The following NSA2 variants were observed in gnomAD, a reference collection of about 807,000 sequenced individuals.
The protein encoded by NSA2 is NSA2 ribosome biogenesis factor, also known as ribosome biogenesis protein NSA2 homolog.
In NSA2, 18 loss-of-function variants were observed where a neutral mutation model predicts 34.8. That is an observed-to-expected ratio of 0.52 (90% CI 0.36 to 0.77). The LOEUF is 0.77. Among genes scored for constraint, NSA2 ranks in the 30% least tolerant of loss-of-function variants. The probability of loss-of-function intolerance (pLI) is 0.00; values close to 1 mark genes in which losing one functional copy is unlikely to be tolerated. For synonymous variants in NSA2, 79 were observed against 100.2 expected (o/e 0.79, Z 1.26); for missense variants, 188 against 314.7 (o/e 0.60, Z 3.05).
In NSA2 at chr5:74,777,572, CATT is replaced by C. The variant is rs1290773387; in HGVS notation, c.*902_*904del. The C allele has an allele frequency of 2.0e-5, 3 of 150,176 alleles. No homozygotes were observed. Among genetic ancestry groups the C allele is most frequent in the African/African-American group, 7.5e-5 (3 of 40,180 alleles). The allele number at this position is 150,176 out of a possible 1,614,324, so 9.3% of individuals were successfully genotyped here. On this transcript the variant is annotated 3_prime_UTR_variant, in exon 6 of 6. Coordinates refer to ENST00000610426, the MANE Select transcript of NSA2 (RefSeq NM_014886.6). ...ATATTACATTAATCTATAATCACCA[CATT>C]GTTTTAAATTGTTTATTTTTTTTTT...
At chr5:74,776,522 A>AAG (rs397784041) in intron 5 of NSA2, 82 bp from the exon 6 acceptor site, 2 of 776,452 alleles carry the variant, frequency 2.6e-6, no homozygotes, top group Non-Finnish European at 4.5e-6. Context: ...AAGAAAAAAA[A>AAG]GGCAAAAGTT....
At position 74,778,542 on chromosome 5, in the gene NSA2, TATA is replaced by T. The variant is rs1433198853; in HGVS notation, c.*1872_*1874del. 8.5e-5 allele frequency: 13 copies of T among 152,146 alleles called. No homozygotes were observed. The East Asian group carries it at 2.3e-3, about 27-fold the overall frequency. 9.4% of individuals were successfully genotyped at this position (152,146 alleles called of 1,614,324 possible). A position where few individuals can be genotyped will look rare whatever the true frequency, so the allele number is the denominator to read the frequency against. On this transcript the variant is annotated 3_prime_UTR_variant, in exon 6 of 6. Transcript: ENST00000610426. ...CTACACTGAATGGAAATACCATGAATATAGACACATTTTAAGTAGAAGACTGAC... is the reference window on the plus strand; with the variant it reads ...CTACACTGAATGGAAATACCATGAATGACACATTTTAAGTAGAAGACTGAC...
rs756470335 is a variant in NSA2, at chr5:74,774,023, A to G, written c.678A>G (p.Glu226=). The change falls in exon 5 of 6, where the codon GAA becomes GAG. Residue 226 remains glutamate, a synonymous_variant. Coordinates refer to ENST00000610426, the MANE Select transcript of NSA2 (RefSeq NM_014886.6). ...CTGTCATTGAAGTAAATGTGAGCGAATTGGGCCTTGTGACACAAGGAGGCA... is the reference window on the plus strand; with the variant it reads ...CTGTCATTGAAGTAAATGTGAGCGAGTTGGGCCTTGTGACACAAGGAGGCA... The part of the protein sequence containing the change: ...KGTVIEVNVS[E]LGLVTQGGKV... 1.2e-6 allele frequency: 2 copies of G among 1,613,986 alleles called. No homozygotes were observed. Among genetic ancestry groups the G allele is most frequent in the Admixed American group, 3.3e-5 (2 of 59,968 alleles).
intron 4 of NSA2, among the ~76,000 whole-genome samples, chr5:74,772,328 G>A (rs1294914681): frequency 1.3e-5 from 2 of 151,966 alleles, no homozygotes; most frequent in Non-Finnish European, 2.9e-5. Context: ...GGGTTTCACC[G>A]TGTTAGCCAG....
chr5:74,774,225 AGTT>A (rs1745037893), intron 5 of NSA2, among the ~76,000 whole-genome samples, 165 bp downstream of exon 5: 1 of 152,246 alleles, frequency 6.6e-6, no homozygotes, highest in South Asian at 2.1e-4. Context: ...TTATAGAAAA[AGTT>A]GTTATAAATA....
chr5:74,769,961 A>T (rs1744862643), intron 3 of NSA2, among the ~76,000 whole-genome samples: 1 of 152,234 alleles, frequency 6.6e-6, no homozygotes, highest in Admixed American at 6.5e-5. Context: ...GAAGAAATAC[A>T]GAGACATATT....
Position 74,773,904 on chromosome 5 carries a change from G to C in NSA2, c.559G>C (p.Glu187Gln), listed in dbSNP as rs775889589. ...CAAGAAAGCCCATGTAACACATCCTGAACTGAAAGCCACCTTTTGCCTACC... is the reference window on the plus strand; with the variant it reads ...CAAGAAAGCCCATGTAACACATCCTCAACTGAAAGCCACCTTTTGCCTACC... ...RFKKAHVTHPELKATFCLPIL... is the reference protein window; with the variant it reads ...RFKKAHVTHPQLKATFCLPIL... Residue 187 changes from glutamate (E) to glutamine (Q), a missense_variant, in exon 5 of 6, where the codon GAA becomes CAA. Glu to Gln is a conservative substitution (Grantham distance 29, BLOSUM62 2). Coordinates refer to ENST00000610426, the MANE Select transcript of NSA2 (RefSeq NM_014886.6). 3.1e-6 allele frequency: 5 copies of C among 1,613,690 alleles called. No individual in the cohort carries two copies. Among genetic ancestry groups the C allele is most frequent in the Admixed American group, 1.7e-5 (1 of 59,958 alleles).
chr5:74,767,263 C>G lies in NSA2; in HGVS notation c.-98C>G. On this transcript the variant is annotated 5_prime_UTR_variant, in exon 1 of 6. Coordinates refer to ENST00000610426, the MANE Select transcript of NSA2 (RefSeq NM_014886.6). Reference sequence around the variant, plus strand: ...TTTAAAGGGTGACTCTTTCCTGTCCCGGCCTGCGTGGTGTGGGCTTGTGGG... The same window carrying G: ...TTTAAAGGGTGACTCTTTCCTGTCCGGGCCTGCGTGGTGTGGGCTTGTGGG... The G allele has an allele frequency of 6.8e-7, 1 of 1,467,662 alleles. No homozygotes were observed. Among genetic ancestry groups the G allele is most frequent in the Admixed American group, 1.7e-5 (1 of 59,128 alleles). 90.9% of individuals were successfully genotyped at this position (1,467,662 alleles called of 1,614,324 possible). A position where few individuals can be genotyped will look rare whatever the true frequency, so the allele number is the denominator to read the frequency against.
At chr5:74,770,091 G>A (rs1208729899) in intron 3 of NSA2, among the ~76,000 whole-genome samples, 1 of 152,134 alleles carries the variant, frequency 6.6e-6, no homozygotes, top group Admixed American at 6.5e-5. Flanking sequence ...AGCACTTTGG[G>A]AAGCCAAGGC....
In NSA2 at chr5:74,777,409, A is replaced by G. The variant is rs145900566; in HGVS notation, c.*738A>G. ...AACTCCAGCTAAGTTTTAAAAGGAA[A>G]AAGAAGACTGCACTGATTCCCTGAG... On this transcript the variant is annotated 3_prime_UTR_variant, in exon 6 of 6. Transcript: ENST00000610426. 6.5e-4 allele frequency: 99 copies of G among 152,268 alleles called. 2 individuals are homozygous for G. The East Asian group carries it at 0.019, about 29-fold the overall frequency. The allele number at this position is 152,268 out of a possible 1,614,324, so 9.4% of individuals were successfully genotyped here.
At position 74,779,139 on chromosome 5, in the gene NSA2, T is replaced by C. The variant is rs1745280249; in HGVS notation, c.*2468T>C. The C allele has an allele frequency of 1.3e-5, 2 of 152,118 alleles. No homozygotes were observed. 9.4% of individuals were successfully genotyped at this position (152,118 alleles called of 1,614,324 possible). A position where few individuals can be genotyped will look rare whatever the true frequency, so the allele number is the denominator to read the frequency against. ...ACTTCTAAATTGTTTACAATTCACT[T>C]ACTATTTAACCCAAACAAGTTTAAC... On this transcript the variant is annotated 3_prime_UTR_variant, in exon 6 of 6. Transcript: ENST00000610426.
rs1745147948 is a variant in NSA2 at position 74,776,852 on chromosome 5, C to T, written c.*181C>T. On this transcript the variant is annotated 3_prime_UTR_variant, in exon 6 of 6. Transcript: ENST00000610426. ...CTTTATTTTGAAATACGCTTTGACCCCATGTTCATAAAACTGAATGATTGA... is the reference window on the plus strand; with the variant it reads ...CTTTATTTTGAAATACGCTTTGACCTCATGTTCATAAAACTGAATGATTGA... 4.5e-6 allele frequency: 2 copies of T among 447,998 alleles called. No homozygotes were observed. The highest frequency in any genetic ancestry group is 2.0e-5 in the African/African-American group (1 of 49,170). 27.8% of individuals were successfully genotyped at this position (447,998 alleles called of 1,614,324 possible).
chr5:74,768,274 T>C (rs1316089324), intron 1 of NSA2, among the ~76,000 whole-genome samples: 1 of 152,230 alleles, frequency 6.6e-6, no homozygotes, highest in Admixed American at 6.5e-5. Context: ...AATAGCATAC[T>C]ACTCAACAAT....
chr5:74,772,998 AT>A (rs1280490794), intron 4 of NSA2, among the ~76,000 whole-genome samples: 1 of 152,188 alleles, frequency 6.6e-6, no homozygotes, highest in African/African-American at 2.4e-5. Context: ...CTCCAGTCTC[AT>A]ATTGCCATCA....
chr5:74,770,352 C>A (rs1048466524), intron 3 of NSA2, among the ~76,000 whole-genome samples: 14 of 147,410 alleles, frequency 9.5e-5, no homozygotes, highest in Non-Finnish European at 1.3e-4. Context: ...AAAAAAAAAA[C>A]CACCACATTA....
rs1026833020 is a variant in NSA2, at chr5:74,778,853, G to A, written c.*2182G>A. 9 of 152,008 alleles carry A rather than the reference G, an allele frequency of 5.9e-5. No individual in the cohort carries two copies. The highest frequency in any genetic ancestry group is 1.2e-4 in the Non-Finnish European group (8 of 67,910). The allele number at this position is 152,008 out of a possible 1,614,324, so 9.4% of individuals were successfully genotyped here. A position where few individuals can be genotyped will look rare whatever the true frequency, so the allele number is the denominator to read the frequency against. On this transcript the variant is annotated 3_prime_UTR_variant, in exon 6 of 6. Transcript: ENST00000610426. ...TGGACATTCAACAACTAGACTAGCC[G>A]GTTGAAATCACATTTTCAGTCCTCT...
chr5:74,774,216 T>C (rs1745037766), intron 5 of NSA2, among the ~76,000 whole-genome samples, 156 bp downstream of exon 5: 1 of 152,228 alleles, frequency 6.6e-6, no homozygotes, highest in African/African-American at 2.4e-5. Flanking sequence ...AAAAATACTT[T>C]ATAGAAAAAG....
chr5:74,771,866 A>G (rs1561276157), intron 4 of NSA2, among the ~76,000 whole-genome samples: 9 of 105,432 alleles, frequency 8.5e-5, no homozygotes, highest in Admixed American at 4.3e-4. Context: ...AAAAAAAAAA[A>G]AAAGAAAAAA....
At position 74,769,379 on chromosome 5, in the gene NSA2, T is replaced by C. The variant is rs1326598270; in HGVS notation, c.342+15T>C. ...AAGAGAAGGCGGTAAGCAATAACAA[T>C]TGAAGTCTTTGTTTTGTTTAGGAGA... On this transcript the variant is annotated intron_variant, in intron 3 of 5. Coordinates refer to ENST00000610426, the MANE Select transcript of NSA2 (RefSeq NM_014886.6). The C allele has an allele frequency of 3.8e-6, 6 of 1,577,478 alleles. No individual in the cohort carries two copies. Among genetic ancestry groups the C allele is most frequent in the Middle Eastern group, 1.7e-4 (1 of 5,912 alleles).
Sources: allele counts gnomAD v4.1 joint callset (sites outside exome capture counted in the v4.1 genomes callset), GRCh38; gene constraint gnomAD v4.1.1; transcripts MANE v1.5; gene names NCBI Gene and HGNC (gene_info 2026-07-23, HGNC 2026-07-21).